The following OTOF variants were observed in gnomAD, a reference collection of about 807,000 sequenced individuals.
The protein encoded by OTOF is otoferlin.
OTOF carries 218 observed loss-of-function variants against 236.8 expected under a neutral mutation model. The ratio of observed to expected loss-of-function variants is 0.92; its 90% CI spans 0.82 to 1.03. The LOEUF is 1.03. OTOF is among the 50% of genes least tolerant of loss of function. The pLI is 0.00. For missense variants in OTOF, 2,590 were observed against 2,694.4 expected (o/e 0.96, Z 0.86); for synonymous variants, 1,041 against 1,072.5 (o/e 0.97, Z 0.57).
intron 12 of OTOF, 38 bp downstream of exon 12, chr2:26,484,436 T>C: frequency 1.2e-6 from 2 of 1,612,434 alleles, no homozygotes; most frequent in Non-Finnish European, 1.7e-6. Flanking sequence ...AAGGAAGGGC[T>C]GGCTCAGACT....
At chr2:26,552,844 G>A (rs759573441) in intron 1 of OTOF, among the ~76,000 whole-genome samples, 16 of 152,320 alleles carry the variant, frequency 1.1e-4, no homozygotes, top group African/African-American at 2.9e-4. Flanking sequence ...CAAGGTCGTC[G>A]TAAGGGTCCC....
intron 12 of OTOF, among the ~76,000 whole-genome samples, chr2:26,484,257 A>C (rs1665645482): frequency 6.6e-6 from 1 of 152,112 alleles, no homozygotes; most frequent in African/African-American, 2.4e-5. Context: ...CCCATTTCTC[A>C]CTGGCAGAAA....
chr2:26,519,190 C>G, intron 3 of OTOF, 81 bp from the exon 4 acceptor site: 1 of 971,544 alleles, frequency 1.0e-6, no homozygotes, highest in Non-Finnish European at 1.6e-6. Context: ...AGGGCTGTGA[C>G]TGCTTGGGGA....
At chr2:26,523,902 G>T (rs892907754) in intron 3 of OTOF, among the ~76,000 whole-genome samples, 52 of 152,226 alleles carry the variant, frequency 3.4e-4, no homozygotes, top group African/African-American at 1.3e-3. Flanking sequence ...CAAATGCCAG[G>T]ATGGGGAGAC....
chr2:26,523,777 C>T (rs1332617698), intron 3 of OTOF, among the ~76,000 whole-genome samples: 1 of 152,234 alleles, frequency 6.6e-6, no homozygotes. Flanking sequence ...AAGCCTAGTG[C>T]AGACCCCAAA....
intron 1 of OTOF, among the ~76,000 whole-genome samples, chr2:26,550,212 G>C (rs1358328093): frequency 1.3e-5 from 2 of 152,138 alleles, no homozygotes; most frequent in African/African-American, 4.8e-5. Context: ...TTGAGGCAGC[G>C]TCTAGCAGGT....
chr2:26,474,354 G>GCCCCAGA (rs1665150438), intron 26 of OTOF, among the ~76,000 whole-genome samples, 159 bp downstream of exon 26: 1 of 37,314 alleles, frequency 2.7e-5, no homozygotes, highest in Admixed American at 3.4e-4. Context: ...CCAGCCCTCA[G>GCCCCAGA]CCCCAGCCCC....
In OTOF at chr2:26,537,729, G is replaced by C. The variant is rs763649380; in HGVS notation, c.125C>G (p.Ala42Gly). The C allele has an allele frequency of 6.4e-7, 1 of 1,554,978 alleles. No homozygotes were observed. The highest frequency in any genetic ancestry group is 1.2e-5 in the South Asian group (1 of 84,266). Residue 42 changes from alanine to glycine, a missense_variant, in exon 2 of 47, where the codon GCT becomes GGT. This residue lies in a region of OTOF where 1,379 missense variants were observed against 1,341.6 expected (regional missense o/e 1.03). Coordinates refer to ENST00000272371, the MANE Select transcript of OTOF (RefSeq NM_194248.3). ...SRVLENCEDVADFDETFRWPV... is the reference protein window; with the variant it reads ...SRVLENCEDVGDFDETFRWPV... ...TGGGCCTCCTACCTCATCAAAGTCAGCCACATCCTCACAGTTCTCCAGGAC... is the reference window on the plus strand; with the variant it reads ...TGGGCCTCCTACCTCATCAAAGTCACCCACATCCTCACAGTTCTCCAGGAC...
chr2:26,552,775 A>C (rs1446109292), intron 1 of OTOF, among the ~76,000 whole-genome samples: 1 of 152,154 alleles, frequency 6.6e-6, no homozygotes, highest in Non-Finnish European at 1.5e-5. Flanking sequence ...TGCAGGGGGC[A>C]TATCCGTTAG....
chr2:26,503,156 TG>T (rs376119015), intron 6 of OTOF, among the ~76,000 whole-genome samples: 176 of 152,304 alleles, frequency 1.2e-3, no homozygotes, highest in African/African-American at 4.1e-3. Context: ...GCCCCGATGG[TG>T]GGCCCGTGAT....
rs111033425 is a variant in OTOF, at chr2:26,465,007, C to A, written c.4822G>T (p.Asp1608Tyr). Residue 1608 changes from aspartate (D) to tyrosine (Y), a missense_variant, in exon 39 of 47, where the codon GAC becomes TAC. By Grantham distance (160) the Asp-to-Tyr change is radical (BLOSUM62 -3). Around this residue, in one of 2 missense-constraint regions of OTOF, gnomAD observed 1,211 missense variants for 1,352.8 expected, o/e 0.90. Transcript: ENST00000272371. ...AGGATCTGGCTGGGCTTCATGGGGTCCCGCCAGATATTGTAGCCATGTCTG... is the reference window on the plus strand; with the variant it reads ...AGGATCTGGCTGGGCTTCATGGGGTACCGCCAGATATTGTAGCCATGTCTG... ...YSTHGYNIWRDPMKPSQILTR... is the reference protein window; with the variant it reads ...YSTHGYNIWRYPMKPSQILTR... 6.5e-5 allele frequency: 97 copies of A among 1,492,064 alleles called. No individual in the cohort carries two copies. The South Asian group carries it at 1.3e-3, about 20-fold the overall frequency. The allele number at this position is 1,492,064 out of a possible 1,614,324, so 92.4% of individuals were successfully genotyped here.
chr2:26,537,497 G>A lies in OTOF; in HGVS notation c.138+219C>T, dbSNP rs558838461. ...GCTGTTCCCCGTGTCATTTGCACAC[G>A]GGCCTCACCTGTGCAGAGGTTTCTG... On this transcript the variant is annotated intron_variant, in intron 2 of 46. Coordinates refer to ENST00000272371, the MANE Select transcript of OTOF (RefSeq NM_194248.3). Among the ~76,000 whole-genome samples, 11 of 152,322 alleles carry A rather than the reference G, an allele frequency of 7.2e-5. No homozygotes were observed. The South Asian group carries it at 1.0e-3, about 14-fold the overall frequency.
chr2:26,525,727 T>C (rs1204586190), intron 3 of OTOF, among the ~76,000 whole-genome samples: 1 of 150,976 alleles, frequency 6.6e-6, no homozygotes, highest in Non-Finnish European at 1.5e-5. Flanking sequence ...GGAAGGATGA[T>C]GGATGGAAGG....
At chr2:26,496,620 T>C (rs1234572962) in intron 8 of OTOF, among the ~76,000 whole-genome samples, 1 of 152,062 alleles carries the variant, frequency 6.6e-6, no homozygotes, top group Non-Finnish European at 1.5e-5. Flanking sequence ...CCAGTAATTT[T>C]TGACATCACT....
At chr2:26,520,986 C>T (rs1666663254) in intron 3 of OTOF, among the ~76,000 whole-genome samples, 1 of 152,142 alleles carries the variant, frequency 6.6e-6, no homozygotes, top group African/African-American at 2.4e-5. Context: ...TCATCTGTAG[C>T]ATTTGCTGGT....
intron 30 of OTOF, among the ~76,000 whole-genome samples, chr2:26,471,868 T>TATGCACACAAGCGCAC (rs1664994510): frequency 6.7e-6 from 1 of 149,064 alleles, no homozygotes; most frequent in Non-Finnish European, 1.5e-5. Context: ...CACATGCACA[T>TATGCACACAAGCGCAC]ATGCACACAA....
At chr2:26,503,236 C>T (rs932729538) in intron 6 of OTOF, among the ~76,000 whole-genome samples, 1 of 152,216 alleles carries the variant, frequency 6.6e-6, no homozygotes, top group Admixed American at 6.5e-5. Context: ...CCAGGCCTCC[C>T]GCCTCCTCTG....
intron 5 of OTOF, among the ~76,000 whole-genome samples, chr2:26,505,412 TAC>T (rs10550936): frequency 0.24 from 36,575 of 149,982 alleles, 5,170 homozygotes; most frequent in East Asian, 0.5. Context: ...GGAGGTGAGT[TAC>T]ACACACACAC....
At position 26,468,195 on chromosome 2, in the gene OTOF, C is replaced by A. The variant is rs1020584988; in HGVS notation, c.4090+213G>T. On this transcript the variant is annotated intron_variant, in intron 33 of 46. Transcript: ENST00000272371. ...TGTGGCTCTAAATGTCTGCCCATCACTGTGGGTGCTGAACTGGTCAGAGTA... is the reference window on the plus strand; with the variant it reads ...TGTGGCTCTAAATGTCTGCCCATCAATGTGGGTGCTGAACTGGTCAGAGTA... 2.6e-5 allele frequency among the ~76,000 whole-genome samples: 4 copies of A among 152,220 alleles called. No homozygotes were observed. The South Asian group carries it at 8.3e-4, about 31-fold the overall frequency.
Sources: allele counts gnomAD v4.1 joint callset (sites outside exome capture counted in the v4.1 genomes callset), GRCh38; gene constraint gnomAD v4.1.1; regional missense constraint gnomAD v4.1.1; transcripts MANE v1.5; gene names NCBI Gene and HGNC (gene_info 2026-07-23, HGNC 2026-07-21).